The following CAMK1D variants were observed in gnomAD, a reference collection of about 807,000 sequenced individuals.
CAMK1D encodes the protein calcium/calmodulin dependent protein kinase ID.
In CAMK1D, 9 loss-of-function variants were observed where a neutral mutation model predicts 47.7. The observed-to-expected ratio is 0.19, with a 90% CI of 0.11 to 0.33. The LOEUF is 0.33. CAMK1D is among the 10% of genes least tolerant of loss of function. The pLI, the probability that CAMK1D is intolerant of heterozygous loss-of-function variation, is 1.00. For missense variants in CAMK1D, 291 were observed against 488.7 expected (o/e 0.60, Z 3.81); for synonymous variants, 184 against 184.9 (o/e 0.99, Z 0.04).
intron 2 of CAMK1D, among the ~76,000 whole-genome samples, chr10:12,666,129 T>G (rs889159597): frequency 2.6e-5 from 4 of 152,174 alleles, no homozygotes; most frequent in African/African-American, 9.6e-5. Flanking sequence ...TGAGTAGCAC[T>G]GATCTAGTTT....
In CAMK1D at chr10:12,358,363, G is replaced by A. The variant is rs1185751543; in HGVS notation, c.92+8453G>A. On this transcript the variant is annotated intron_variant, in intron 1 of 10. Transcript: ENST00000619168. ...CACCTGGCCAACATGGTAAAACCCC[G>A]TCTCTACTAAAAACACCAAAATTAG... Among the ~76,000 whole-genome samples, 5 of 151,932 alleles carry A rather than the reference G, an allele frequency of 3.3e-5. No individual in the cohort carries two copies. In the East Asian group the frequency reaches 5.8e-4, roughly 18 times the overall value.
chr10:12,490,737 CA>C (rs1337097143), intron 1 of CAMK1D, among the ~76,000 whole-genome samples: 1 of 152,030 alleles, frequency 6.6e-6, no homozygotes, highest in African/African-American at 2.4e-5. Context: ...CGCAGCTACT[CA>C]GGAGGCTGAG....
At chr10:12,470,389 T>C (rs2815605) in intron 1 of CAMK1D, among the ~76,000 whole-genome samples, 52,868 of 152,096 alleles carry the variant, frequency 0.35, 9,431 homozygotes, top group East Asian at 0.63. Flanking sequence ...TCAACACAAT[T>C]GCTTTTGTAT....
intron 5 of CAMK1D, among the ~76,000 whole-genome samples, chr10:12,787,972 C>T (rs1837807241): frequency 6.6e-6 from 1 of 151,818 alleles, no homozygotes; most frequent in East Asian, 1.9e-4. Flanking sequence ...TGCACTCCAT[C>T]TCCAAAAAAA....
At chr10:12,551,016 G>A (rs1252369126) in intron 1 of CAMK1D, among the ~76,000 whole-genome samples, 2 of 152,190 alleles carry the variant, frequency 1.3e-5, no homozygotes, top group Non-Finnish European at 2.9e-5. Flanking sequence ...GAGGAAGGGT[G>A]TTCCCCCTGT....
chr10:12,368,072 G>T (rs2131851471), intron 1 of CAMK1D, among the ~76,000 whole-genome samples: 1 of 152,210 alleles, frequency 6.6e-6, no homozygotes, highest in East Asian at 1.9e-4. Context: ...GGCGCCTGTA[G>T]TCCCAGCTAC....
chr10:12,718,728 G>C (rs1434004396), intron 3 of CAMK1D, among the ~76,000 whole-genome samples: 1 of 152,202 alleles, frequency 6.6e-6, no homozygotes, highest in African/African-American at 2.4e-5. Context: ...CATGCATCAT[G>C]ACTTAGAATC....
At chr10:12,712,190 T>A (rs1467150933) in intron 3 of CAMK1D, among the ~76,000 whole-genome samples, 1 of 152,180 alleles carries the variant, frequency 6.6e-6, no homozygotes, top group African/African-American at 2.4e-5. Flanking sequence ...TAAGGGAAGC[T>A]CCGCTCTCCT....
intron 1 of CAMK1D, among the ~76,000 whole-genome samples, chr10:12,534,569 G>T (rs1835909923): frequency 6.6e-6 from 1 of 152,182 alleles, no homozygotes; most frequent in Admixed American, 6.5e-5. Flanking sequence ...CTTTCACCAT[G>T]CTGGCCAGAC....
intron 5 of CAMK1D, among the ~76,000 whole-genome samples, chr10:12,781,702 C>A (rs1027290227): frequency 3.4e-5 from 5 of 147,334 alleles, no homozygotes; most frequent in African/African-American, 5.1e-5. Context: ...CCCAGGCTGG[C>A]GTGCAGTAGC....
chr10:12,373,732 G>A (rs540382922), intron 1 of CAMK1D, among the ~76,000 whole-genome samples: 5 of 151,788 alleles, frequency 3.3e-5, no homozygotes, highest in Admixed American at 1.3e-4. Context: ...GCTGTCTGCC[G>A]CTCTGCATGG....
chr10:12,668,371 C>G (rs756146131), intron 3 of CAMK1D, among the ~76,000 whole-genome samples: 3 of 152,178 alleles, frequency 2.0e-5, no homozygotes, highest in Non-Finnish European at 4.4e-5. Context: ...AATCCTCAAT[C>G]TAAAGCTATA....
intron 1 of CAMK1D, among the ~76,000 whole-genome samples, chr10:12,509,724 C>T (rs1834985183): frequency 6.6e-6 from 1 of 152,200 alleles, no homozygotes; most frequent in Non-Finnish European, 1.5e-5. Flanking sequence ...GCACTCCAGT[C>T]TAGGTGACAG....
At chr10:12,577,865 C>T (rs145846555) in intron 2 of CAMK1D, among the ~76,000 whole-genome samples, 1 of 152,318 alleles carries the variant, frequency 6.6e-6, no homozygotes, top group South Asian at 2.1e-4. Context: ...TAATGTCATT[C>T]CCAGGATCCC....
intron 3 of CAMK1D, among the ~76,000 whole-genome samples, chr10:12,690,343 A>T (rs893707624): frequency 3.3e-5 from 5 of 152,168 alleles, no homozygotes; most frequent in African/African-American, 1.2e-4. Context: ...CATTTTCTAT[A>T]AGAAACAATC....
intron 1 of CAMK1D, among the ~76,000 whole-genome samples, chr10:12,521,752 T>A (rs1383301644): frequency 2.0e-5 from 3 of 152,238 alleles, no homozygotes; most frequent in Non-Finnish European, 2.9e-5. Flanking sequence ...GCCTCACATA[T>A]TTTGAAGCCC....
At chr10:12,355,177 C>T (rs1188573991) in intron 1 of CAMK1D, among the ~76,000 whole-genome samples, 1 of 152,066 alleles carries the variant, frequency 6.6e-6, no homozygotes, top group Non-Finnish European at 1.5e-5. Flanking sequence ...ACTAGTAGCA[C>T]AATAAGAGCT....
chr10:12,600,260 G>A (rs972831373), intron 2 of CAMK1D, among the ~76,000 whole-genome samples: 3 of 152,236 alleles, frequency 2.0e-5, no homozygotes, highest in African/African-American at 4.8e-5. Context: ...GAAGCTGGGT[G>A]GGCCCCCCTG....
intron 1 of CAMK1D, among the ~76,000 whole-genome samples, chr10:12,364,361 C>T (rs776776295): frequency 4.5e-4 from 68 of 151,028 alleles, no homozygotes; most frequent in African/African-American, 1.5e-3. Flanking sequence ...CCTGCCTCGG[C>T]GCCCCTAGTA....
Sources: gnomAD v4.1 joint callset for allele counts (sites outside exome capture counted in the v4.1 genomes callset) on GRCh38, gnomAD v4.1.1 for gene constraint, MANE v1.5 for transcripts, NCBI Gene and HGNC (gene_info 2026-07-23, HGNC 2026-07-21) for gene names.